The following PNKD variants were observed in gnomAD, a reference collection of about 807,000 sequenced individuals.
PNKD encodes the protein PNKD metallo-beta-lactamase domain containing, also known as probable thioesterase PNKD.
A neutral mutation model predicts 45.3 loss-of-function variants in PNKD; 36 were observed. The ratio of observed to expected loss-of-function variants is 0.80; its 90% CI spans 0.61 to 1.05. The LOEUF (loss-of-function observed/expected upper bound fraction) is 1.05, where lower values mean the gene tolerates loss of function less well. Among genes scored for constraint, PNKD ranks in the 50% least tolerant of loss-of-function variants. The pLI is 0.00. For missense variants in PNKD, 511 were observed against 506.6 expected, an observed-to-expected ratio of 1.01 and a Z score of -0.08; for synonymous variants, 197 against 210.1, an observed-to-expected ratio of 0.94 and a Z score of 0.54.
intron 8 of PNKD, 140 bp from the exon 9 acceptor site, chr2:218,344,315 A>G (rs1694766152): frequency 4.3e-6 from 3 of 696,180 alleles, no homozygotes; most frequent in Non-Finnish European, 8.0e-6. Flanking sequence ...AGCTCCTGGC[A>G]GTTGGGGTTT....
rs981839942 is a variant in PNKD at position 218,275,279 on chromosome 2, C to T, written c.236+3730C>T. The T allele has an allele frequency of 1.2e-5, 7 of 604,564 alleles. No homozygotes were observed. In the East Asian group the frequency reaches 1.3e-4, roughly 11 times the overall value. 37.4% of individuals were successfully genotyped at this position (604,564 alleles called of 1,614,324 possible). On this transcript the variant is annotated intron_variant, in intron 2 of 9. Coordinates refer to ENST00000273077, the MANE Select transcript of PNKD (RefSeq NM_015488.5). ...AAGCCCACCAAGAGCAACAGTTAGT[C>T]CCTAGCTCCTCCGTCCCCACCAAGT...
chr2:218,324,641 G>A (rs1032351547), intron 2 of PNKD, among the ~76,000 whole-genome samples: 3 of 152,052 alleles, frequency 2.0e-5, no homozygotes, highest in African/African-American at 7.2e-5. Context: ...TAATGAGATT[G>A]AAAAATATTT....
intron 2 of PNKD, among the ~76,000 whole-genome samples, chr2:218,272,041 A>G (rs1268715844): frequency 1.3e-5 from 2 of 152,168 alleles, no homozygotes. Flanking sequence ...AGTGTTTGAG[A>G]TAAGTATTAC....
At chr2:218,293,712 A>C (rs1346031294) in intron 2 of PNKD, among the ~76,000 whole-genome samples, 1 of 149,736 alleles carries the variant, frequency 6.7e-6, no homozygotes, top group African/African-American at 2.5e-5. Flanking sequence ...CCTCCTGAGT[A>C]GCTGGGATTA....
chr2:218,340,107 T>G lies in PNKD; in HGVS notation c.431T>G (p.Val144Gly), dbSNP rs533028105. ...LIIDTQAQLA[V>G]AVDPSDPRAV... ...ATCGACACCCAGGCCCAGCTGGCTG[T>G]GGCTGTGGACCCTTCAGACCCTCGG... Residue 144 changes from valine to glycine, a missense_variant, in exon 4 of 10, where the codon GTG becomes GGG. Val to Gly is a moderately radical substitution (Grantham distance 109). Coordinates refer to ENST00000273077, the MANE Select transcript of PNKD (RefSeq NM_015488.5). The surrounding 1 kb of genome is among the most constrained non-coding windows in gnomAD (Gnocchi z 4.2). The G allele has an allele frequency of 1.2e-6, 2 of 1,613,714 alleles. No individual in the cohort carries two copies. The highest frequency in any genetic ancestry group is 2.7e-5 in the African/African-American group (2 of 75,016).
chr2:218,345,051 C>G lies in PNKD; in HGVS notation c.*70C>G. 1 of 1,201,936 alleles carries G rather than the reference C, an allele frequency of 8.3e-7. No individual in the cohort carries two copies. Among genetic ancestry groups the G allele is most frequent in the Non-Finnish European group, 1.2e-6 (1 of 840,714 alleles). 74.5% of individuals were successfully genotyped at this position (1,201,936 alleles called of 1,614,324 possible). ...CCGCCACCACCAACACCTCATCATC[C>G]TTCTCATCGCTAACACCACCACCTC... On this transcript the variant is annotated 3_prime_UTR_variant, in exon 10 of 10. Transcript: ENST00000273077.
chr2:218,305,256 A>C (rs968923778), intron 2 of PNKD, among the ~76,000 whole-genome samples: 1 of 152,156 alleles, frequency 6.6e-6, no homozygotes, highest in Non-Finnish European at 1.5e-5. Context: ...CATCAAGCCC[A>C]GTGCAAGGTG....
At chr2:218,270,987 G>A in intron 1 of PNKD, 1 of 370,554 alleles carries the variant, frequency 2.7e-6, no homozygotes, top group Non-Finnish European at 4.9e-6. Context: ...TTCCTCTTCC[G>A]TACAGTGCAA....
At chr2:218,280,476 AT>A in intron 2 of PNKD, 1 of 314,346 alleles carries the variant, frequency 3.2e-6, no homozygotes, top group Non-Finnish European at 6.2e-6. Flanking sequence ...AGAACAGGGG[AT>A]GGGGACAGAG....
At chr2:218,317,214 A>C (rs1163981710) in intron 2 of PNKD, among the ~76,000 whole-genome samples, 4 of 152,226 alleles carry the variant, frequency 2.6e-5, no homozygotes, top group Non-Finnish European at 4.4e-5. Flanking sequence ...AGGTCAAGGC[A>C]GAGTTCAGAA....
At chr2:218,295,843 C>A (rs577027350) in intron 2 of PNKD, among the ~76,000 whole-genome samples, 6 of 129,844 alleles carry the variant, frequency 4.6e-5, no homozygotes, top group South Asian at 3.0e-4. Flanking sequence ...AAACAACAAA[C>A]CTTTTTTTTT....
At chr2:218,294,133 C>T (rs754161121) in intron 2 of PNKD, among the ~76,000 whole-genome samples, 37 of 152,000 alleles carry the variant, frequency 2.4e-4, no homozygotes, top group Admixed American at 5.9e-4. Context: ...AGGAAGTCCC[C>T]ACCCAAGGTG....
intron 6 of PNKD, 75 bp from the exon 7 acceptor site, chr2:218,341,906 T>C: frequency 8.1e-7 from 1 of 1,241,574 alleles, no homozygotes; most frequent in Non-Finnish European, 1.2e-6. Flanking sequence ...CCCAGCCCCT[T>C]GGGCCTGGGA....
intron 2 of PNKD, among the ~76,000 whole-genome samples, chr2:218,308,414 C>A (rs1488633565): frequency 1.3e-5 from 2 of 151,976 alleles, no homozygotes; most frequent in Non-Finnish European, 2.9e-5. Flanking sequence ...TTCTCAAACT[C>A]CTAAGCTTGT....
intron 2 of PNKD, chr2:218,275,702 G>C: frequency 2.0e-6 from 3 of 1,526,396 alleles, no homozygotes; most frequent in Non-Finnish European, 2.7e-6. Context: ...TTTGTCTTGG[G>C]GGCCTATGCG....
rs1694644866 is a variant in PNKD at position 218,340,670 on chromosome 2, T to A, written c.466-58T>A. On this transcript the variant is annotated intron_variant, in intron 4 of 9. Transcript: ENST00000273077. The surrounding 1 kb of genome is among the most constrained non-coding windows in gnomAD (Gnocchi z 4.2). Reference sequence around the variant, plus strand: ...CAGCGCCCACACTCCTGGCTCTTGCTGCTTCAAGTGCCTCTTGCATCCTGC... The same window carrying A: ...CAGCGCCCACACTCCTGGCTCTTGCAGCTTCAAGTGCCTCTTGCATCCTGC... 7.7e-7 allele frequency: 1 copy of A among 1,293,772 alleles called. No individual in the cohort carries two copies. The highest frequency in any genetic ancestry group is 1.7e-5 in the Admixed American group (1 of 59,612). 80.1% of individuals were successfully genotyped at this position (1,293,772 alleles called of 1,614,324 possible).
At position 218,272,651 on chromosome 2, in the gene PNKD, G is replaced by A. The variant is rs1398692560; in HGVS notation, c.236+1102G>A. On this transcript the variant is annotated intron_variant, in intron 2 of 9. Transcript: ENST00000273077. ...ACAAGGACCGTGTGAAGCAGATGAAGGCTCGGCAGAACATGCGGTTGTCCA... is the reference window on the plus strand; with the variant it reads ...ACAAGGACCGTGTGAAGCAGATGAAAGCTCGGCAGAACATGCGGTTGTCCA... The A allele has an allele frequency of 6.2e-6, 10 of 1,614,206 alleles. No homozygotes were observed. In the Admixed American group the frequency reaches 6.7e-5, roughly 11 times the overall value.
At chr2:218,286,024 G>A in intron 2 of PNKD, 1 of 154,996 alleles carries the variant, frequency 6.5e-6, no homozygotes, top group Middle Eastern at 5.3e-4. Flanking sequence ...TGGAGGGTAA[G>A]GGAAGGAGGG....
chr2:218,300,182 C>T (rs1693239930), intron 2 of PNKD, among the ~76,000 whole-genome samples: 1 of 152,228 alleles, frequency 6.6e-6, no homozygotes, highest in Non-Finnish European at 1.5e-5. Context: ...AAAATCTCAA[C>T]TCTGCACCCA....
Sources: gnomAD v4.1 joint callset for allele counts (sites outside exome capture counted in the v4.1 genomes callset) on GRCh38, gnomAD v4.1.1 for gene constraint, Gnocchi (gnomAD v3.1) non-coding constraint, MANE v1.5 for transcripts, NCBI Gene and HGNC (gene_info 2026-07-23, HGNC 2026-07-21) for gene names.